The following KANSL2 variants were observed in gnomAD, a reference collection of about 807,000 sequenced individuals.
KANSL2 encodes KAT8 regulatory NSL complex subunit 2, also known as NSL complex protein NSL2.
Under a neutral mutation model 55.6 loss-of-function variants are expected in KANSL2, and 34 were observed. That is an observed-to-expected ratio of 0.61 (90% CI 0.46 to 0.81). The LOEUF (loss-of-function observed/expected upper bound fraction) is 0.81. Among genes scored for constraint, KANSL2 ranks in the 40% least tolerant of loss-of-function variants. The pLI is 0.00. For synonymous variants in KANSL2, 209 were observed against 214.3 expected (o/e 0.98, Z 0.22); for missense variants, 502 against 609.9 (o/e 0.82, Z 1.86).
intron 7 of KANSL2, among the ~76,000 whole-genome samples, chr12:48,663,019 T>C: frequency 6.6e-6 from 1 of 152,204 alleles, no homozygotes; most frequent in Non-Finnish European, 1.5e-5. Flanking sequence ...GAATTCCATA[T>C]CCTGGAATGT....
At chr12:48,679,549 G>A in intron 3 of KANSL2, 106 bp downstream of exon 3, 1 of 852,222 alleles carries the variant, frequency 1.2e-6, no homozygotes. Context: ...CCAAATTCCT[G>A]ATGAATTAAC....
chr12:48,674,307 A>G (rs965365192), intron 4 of KANSL2, among the ~76,000 whole-genome samples: 2 of 151,812 alleles, frequency 1.3e-5, no homozygotes, highest in Non-Finnish European at 2.9e-5. Flanking sequence ...CACCTGGCTA[A>G]TTTTTTTATT....
At chr12:48,666,918 C>T (rs1440833183) in intron 7 of KANSL2, among the ~76,000 whole-genome samples, 1 of 151,792 alleles carries the variant, frequency 6.6e-6, no homozygotes, top group East Asian at 1.9e-4. Context: ...CAGTGGCTTA[C>T]TCCTGTAATC....
At chr12:48,659,343 T>A (rs1219036698) in intron 8 of KANSL2, among the ~76,000 whole-genome samples, 1 of 150,868 alleles carries the variant, frequency 6.6e-6, no homozygotes, top group African/African-American at 2.4e-5. Flanking sequence ...TTCACACTTG[T>A]AATCCCAGCA....
chr12:48,677,251 C>CA (rs1939838083), intron 4 of KANSL2, among the ~76,000 whole-genome samples: 1 of 152,124 alleles, frequency 6.6e-6, no homozygotes, highest in Non-Finnish European at 1.5e-5. Flanking sequence ...TAGTACTTTC[C>CA]ACATTTGTAT....
At chr12:48,662,181 T>G (rs771873253) in intron 7 of KANSL2, among the ~76,000 whole-genome samples, 8 of 152,222 alleles carry the variant, frequency 5.3e-5, no homozygotes, top group Admixed American at 2.0e-4. Context: ...CTCGGCTCAC[T>G]GCAACCTCTG....
chr12:48,672,029 T>G (rs1247133697), intron 4 of KANSL2, 67 bp from the exon 5 acceptor site: 3 of 1,359,312 alleles, frequency 2.2e-6, no homozygotes, highest in Non-Finnish European at 3.0e-6. Flanking sequence ...TTTGAAAGAG[T>G]AGAGATGTCA....
At chr12:48,666,523 T>A (rs1023233011) in intron 7 of KANSL2, among the ~76,000 whole-genome samples, 1 of 151,746 alleles carries the variant, frequency 6.6e-6, no homozygotes, top group African/African-American at 2.4e-5. Context: ...TGAAACCCCA[T>A]CTCTACTAAA....
rs1939659374 is a variant in KANSL2 at position 48,669,140 on chromosome 12, C to T, written c.842G>A (p.Arg281Gln). The T allele has an allele frequency of 1.9e-6, 3 of 1,550,504 alleles. No individual in the cohort carries two copies. Among genetic ancestry groups the T allele is most frequent in the Non-Finnish European group, 1.7e-6 (2 of 1,146,518 alleles). Reference protein sequence around the residue: ...EALLHRQLKERRMLATDGAAQ... With the variant: ...EALLHRQLKEQRMLATDGAAQ... ...AGCACCATCTGTGGCCAGCATTCTC[C>T]GTTCCTTCAACTGCCTATGCAGTAA... Residue 281 changes from arginine to glutamine, a missense_variant, in exon 6 of 10, where the codon CGG becomes CAG. Coordinates refer to ENST00000420613, the MANE Select transcript of KANSL2 (RefSeq NM_017822.4).
At chr12:48,672,277 T>TA (rs999553976) in intron 4 of KANSL2, among the ~76,000 whole-genome samples, 1 of 151,488 alleles carries the variant, frequency 6.6e-6, no homozygotes, top group Admixed American at 6.6e-5. Flanking sequence ...TCTACATTCT[T>TA]AATGTTTTGA....
intron 4 of KANSL2, among the ~76,000 whole-genome samples, chr12:48,673,861 G>A (rs1939773565): frequency 6.6e-6 from 1 of 151,800 alleles, no homozygotes; most frequent in Non-Finnish European, 1.5e-5. Context: ...TGAGGTGAAA[G>A]GATCACTTCA....
intron 8 of KANSL2, chr12:48,656,567 C>T (rs1240376981): frequency 2.3e-4 from 84 of 362,842 alleles, no homozygotes; most frequent in South Asian, 1.7e-3. Context: ...CCACCACGCC[C>T]GGCCAACTCC....
At chr12:48,665,995 A>G (rs1939590657) in intron 7 of KANSL2, among the ~76,000 whole-genome samples, 1 of 151,974 alleles carries the variant, frequency 6.6e-6, no homozygotes, top group Admixed American at 6.6e-5. Context: ...GGAGGATCAC[A>G]TGAGCTCAGA....
chr12:48,672,545 G>A (rs920349234), intron 4 of KANSL2, among the ~76,000 whole-genome samples: 11 of 149,764 alleles, frequency 7.3e-5, no homozygotes, highest in African/African-American at 1.2e-4. Flanking sequence ...ATCCTCCCAC[G>A]TCAGCCTGCC....
At chr12:48,667,041 T>G (rs573206029) in intron 7 of KANSL2, among the ~76,000 whole-genome samples, 2 of 151,834 alleles carry the variant, frequency 1.3e-5, no homozygotes, top group Non-Finnish European at 2.9e-5. Context: ...ATTAGCCAGG[T>G]ATTGTGGTAC....
chr12:48,679,770 C>A lies in KANSL2; in HGVS notation c.315G>T (p.Lys105Asn), dbSNP rs767239069. 1 of 1,609,458 alleles carries A rather than the reference C, an allele frequency of 6.2e-7. No homozygotes were observed. Among genetic ancestry groups the A allele is most frequent in the Non-Finnish European group, 8.5e-7 (1 of 1,177,828 alleles). The change falls in exon 3 of 10, where the codon AAG (lysine) becomes AAT (asparagine). Residue 105 changes from lysine (K) to asparagine (N), a missense_variant. Transcript: ENST00000420613. ...NALALHAQMK[K>N]TNPGPVGETL... is the part of the protein sequence containing the mutation. ...TTTCACCCACAGGCCCTGGGTTGGT[C>A]TTCTTCATTTGAGCATGAAGTGCCA... is the stretch of plus-strand genomic sequence containing the variant.
chr12:48,667,047 G>T (rs1939614459), intron 7 of KANSL2, among the ~76,000 whole-genome samples: 1 of 151,968 alleles, frequency 6.6e-6, no homozygotes, highest in South Asian at 2.1e-4. Context: ...CAGGTATTGT[G>T]GTACGTGCCT....
intron 4 of KANSL2, among the ~76,000 whole-genome samples, chr12:48,674,152 C>T (rs1702939461): frequency 6.6e-6 from 1 of 151,872 alleles, no homozygotes; most frequent in Admixed American, 6.6e-5. Context: ...ATTACTTTTT[C>T]GTTTTTAAGA....
intron 4 of KANSL2, among the ~76,000 whole-genome samples, chr12:48,672,704 G>A (rs575593207): frequency 1.3e-5 from 2 of 151,718 alleles, no homozygotes; most frequent in Admixed American, 6.6e-5. Flanking sequence ...GGAATTAAAC[G>A]CATAAGCTAC....
Sources: gnomAD v4.1 joint callset for allele counts (sites outside exome capture counted in the v4.1 genomes callset) on GRCh38, gnomAD v4.1.1 for gene constraint, MANE v1.5 for transcripts, NCBI Gene and HGNC (gene_info 2026-07-23, HGNC 2026-07-21) for gene names.